Variants in MEGF6 observed in about 807,000 individuals in gnomAD.
MEGF6 encodes the protein multiple EGF like domains 6, also known as multiple epidermal growth factor-like domains protein 6.
Under a neutral mutation model 207.1 loss-of-function variants are expected in MEGF6, and 184 were observed. That is an observed-to-expected ratio of 0.89 (90% CI 0.79 to 1.00). MEGF6 has a LOEUF of 1.00. Among genes scored for constraint, MEGF6 ranks in the 50% least tolerant of loss-of-function variants. The pLI, the probability that MEGF6 is intolerant of heterozygous loss-of-function variation, is 0.00. For missense variants in MEGF6, 2,282 were observed against 2,202.9 expected (o/e 1.04, Z -0.72); for synonymous variants, 1,038 against 910.0 (o/e 1.14, Z -2.53).
intron 2 of MEGF6, among the ~76,000 whole-genome samples, chr1:3,601,954 G>C (rs866201483): frequency 6.6e-6 from 1 of 152,260 alleles, no homozygotes; most frequent in South Asian, 2.1e-4. Flanking sequence ...CACCTGACAC[G>C]GGGGCTGCCA....
chr1:3,490,984 T>C (rs758314237), intron 35 of MEGF6, 25 bp from the exon 36 acceptor site: 13 of 1,574,266 alleles, frequency 8.3e-6, no homozygotes, highest in African/African-American at 2.7e-5. Flanking sequence ...GAGCAGGCCA[T>C]GTTAGTACCC....
Position 3,499,709 on chromosome 1 carries a change from C to G in MEGF6, c.2844G>C (p.Pro948=). 1 of 1,604,230 alleles carries G rather than the reference C, an allele frequency of 6.2e-7. No individual in the cohort carries two copies. The highest frequency in any genetic ancestry group is 8.5e-7 in the Non-Finnish European group (1 of 1,176,432). ...GACAGTCCAATCCAAAGAAGCCGGCCGGGCAGGCTGCAGACAGCGGGCAGT... is the reference window on the plus strand; with the variant it reads ...GACAGTCCAATCCAAAGAAGCCGGCGGGGCAGGCTGCAGACAGCGGGCAGT... ...WRGTFCEHAC[P]AGFFGLDCRS... Residue 948 remains proline (P), a synonymous_variant, in exon 23 of 37, where the codon CCG becomes CCC. Transcript: ENST00000356575.
intron 3 of MEGF6, among the ~76,000 whole-genome samples, chr1:3,583,396 G>A (rs372002270): frequency 0.013 from 361 of 27,514 alleles, no homozygotes; most frequent in Middle Eastern, 0.022. Flanking sequence ...CAGACAACGC[G>A]CAGCCACCAG....
chr1:3,578,590 C>G (rs1376376816), intron 4 of MEGF6, among the ~76,000 whole-genome samples: 1 of 152,098 alleles, frequency 6.6e-6, no homozygotes, highest in Non-Finnish European at 1.5e-5. Flanking sequence ...AGTCCATGGT[C>G]ACTGCAGCAG....
In MEGF6 at chr1:3,510,838, G is replaced by A. The variant is rs534133125; in HGVS notation, c.1179C>T (p.Tyr393=). 34 of 1,610,994 alleles carry A rather than the reference G, an allele frequency of 2.1e-5. No homozygotes were observed. Among genetic ancestry groups the A allele is most frequent in the African/African-American group, 1.2e-4 (9 of 75,034 alleles). ...QQVCTNNPGG[Y]ECGCYAGYRL... ...GGTAGCCGGCGTAGCAGCCGCACTC[G>A]TACCCGCCAGGGTTGTTGGTGCACA... is the stretch of plus-strand genomic sequence containing the variant. The change falls in exon 10 of 37, where the codon TAC becomes TAT. Residue 393 remains tyrosine (Y), a synonymous_variant. Coordinates refer to ENST00000356575, the MANE Select transcript of MEGF6 (RefSeq NM_001409.4).
At chr1:3,495,413 C>CACT (rs1193747494) in intron 30 of MEGF6, among the ~76,000 whole-genome samples, 1 of 152,184 alleles carries the variant, frequency 6.6e-6, no homozygotes, top group Non-Finnish European at 1.5e-5. Context: ...GAGCAGGAGC[C>CACT]ACTACGCCTG....
Position 3,490,854 on chromosome 1 carries a change from T to C in MEGF6, c.4564+58A>G, listed in dbSNP as rs1640326758. The C allele has an allele frequency of 7.4e-5, 114 of 1,543,662 alleles. 2 individuals carry two copies. The South Asian group carries it at 1.2e-3, about 16-fold the overall frequency. On this transcript the variant is annotated intron_variant, in intron 36 of 36. Coordinates refer to ENST00000356575, the MANE Select transcript of MEGF6 (RefSeq NM_001409.4). ...CAGATTATACTTAAGCACTCTTCGT[T>C]GACTTTGCCATAACCCACCCTCCTG...
At chr1:3,604,747 G>T (rs1162602154) in intron 1 of MEGF6, among the ~76,000 whole-genome samples, 1 of 152,120 alleles carries the variant, frequency 6.6e-6, no homozygotes, top group African/African-American at 2.4e-5. Flanking sequence ...ATGACTAAGG[G>T]CCAGGTCTCT....
At chr1:3,613,816 C>G (rs543718384), upstream of MEGF6, among the ~76,000 whole-genome samples, 9 of 151,360 alleles carry the variant, frequency 5.9e-5, no homozygotes, top group South Asian at 1.5e-3. Flanking sequence ...AGAACCCTGC[C>G]GCTGTGCTCT....
chr1:3,518,079 T>G (rs2101116273), intron 5 of MEGF6, among the ~76,000 whole-genome samples: 1 of 152,324 alleles, frequency 6.6e-6, no homozygotes, highest in Middle Eastern at 3.4e-3. Flanking sequence ...TGCAACTGAC[T>G]GTTGTTGGGG....
At chr1:3,526,664 G>A (rs1375972527) in intron 4 of MEGF6, among the ~76,000 whole-genome samples, 1 of 152,124 alleles carries the variant, frequency 6.6e-6, no homozygotes, top group Non-Finnish European at 1.5e-5. Flanking sequence ...CTCCCAAAGT[G>A]CCGAGATTAC....
intron 20 of MEGF6, 71 bp downstream of exon 20, chr1:3,500,895 G>A (rs1640831413): frequency 1.9e-6 from 3 of 1,606,508 alleles, no homozygotes; most frequent in East Asian, 4.5e-5. Context: ...CGGGGGCCCT[G>A]GGCAGAGGCC....
intron 3 of MEGF6, among the ~76,000 whole-genome samples, chr1:3,586,045 G>A (rs554659657): frequency 4.7e-5 from 7 of 149,778 alleles, no homozygotes; most frequent in African/African-American, 1.2e-4. Context: ...CATGTCCTGC[G>A]TGTGGGTGTG....
Position 3,488,146 on chromosome 1 carries a change from A to G in MEGF6, c.*2382T>C, listed in dbSNP as rs4648389. On this transcript the variant is annotated 3_prime_UTR_variant, in exon 37 of 37. Transcript: ENST00000356575. Reference sequence around the variant, plus strand: ...TTCTTGCTGCTTGAAACTATATAATATATGGTCAGGAGTTTGTTTTTCCGT... The same window carrying G: ...TTCTTGCTGCTTGAAACTATATAATGTATGGTCAGGAGTTTGTTTTTCCGT... Among the ~76,000 whole-genome samples, 26,291 of 152,022 alleles carry G rather than the reference A, an allele frequency of 0.17. 2,929 individuals are homozygous for G. The highest frequency in any genetic ancestry group is 0.3 in the African/African-American group (12,628 of 41,422).
Position 3,524,222 on chromosome 1 carries a change from T to A in MEGF6, c.506A>T (p.Asn169Ile). The A allele has an allele frequency of 6.2e-7, 1 of 1,612,536 alleles. No individual in the cohort carries two copies. Among genetic ancestry groups the A allele is most frequent in the South Asian group, 1.1e-5 (1 of 91,066 alleles). Residue 169 changes from asparagine (N) to isoleucine (I), a missense_variant, in exon 5 of 37, where the codon AAC (asparagine) becomes ATC (isoleucine). Asn to Ile is a moderately radical substitution (Grantham distance 149). Coordinates refer to ENST00000356575, the MANE Select transcript of MEGF6 (RefSeq NM_001409.4). ...QYDVDECRTH[N>I]GGCQHRCVNT... ...CACGCACCGGTGCTGGCAGCCACCG[T>A]TGTGGGTTCGGCATTCGTCCACATC...
intron 18 of MEGF6, 75 bp from the exon 19 acceptor site, chr1:3,501,383 C>A (rs1235811921): frequency 6.6e-7 from 1 of 1,506,528 alleles, no homozygotes; most frequent in Non-Finnish European, 8.9e-7. Context: ...TGGCACGATG[C>A]CCCTGGAGCC....
rs141683088 is a variant in MEGF6, at chr1:3,549,884, G to A, written c.482-25638C>T. 7.5e-3 allele frequency among the ~76,000 whole-genome samples: 1,148 copies of A among 152,310 alleles called. 12 individuals are homozygous for A. The highest frequency in any genetic ancestry group is 0.024 in the African/African-American group (1,015 of 41,564). On this transcript the variant is annotated intron_variant, in intron 4 of 36. Coordinates refer to ENST00000356575, the MANE Select transcript of MEGF6 (RefSeq NM_001409.4). ...TTCTCCCAGGGATGATCCAAGCACA[G>A]GCACGGGTGGGCGGTCGAAGGTCAG...
intron 8 of MEGF6, 66 bp from the exon 9 acceptor site, chr1:3,511,753 A>G: frequency 6.4e-7 from 1 of 1,559,680 alleles, no homozygotes; most frequent in Non-Finnish European, 8.7e-7. Context: ...TACCTTAGTT[A>G]CCCCTACCTC....
chr1:3,621,808 A>T, the MEGF6 span, among the ~76,000 whole-genome samples: 1 of 152,218 alleles, frequency 6.6e-6, no homozygotes, highest in Non-Finnish European at 1.5e-5. Flanking sequence ...GTGGCCCTGG[A>T]TGTGAGACAT....
Sources: allele counts gnomAD v4.1 joint callset (sites outside exome capture counted in the v4.1 genomes callset), GRCh38; gene constraint gnomAD v4.1.1; transcripts MANE v1.5; gene names NCBI Gene and HGNC (gene_info 2026-07-23, HGNC 2026-07-21).